The following BRICD5 variants were observed in gnomAD, a reference collection of about 807,000 sequenced individuals.
BRICD5 encodes the protein BRICHOS domain containing 5, also known as BRICHOS domain-containing protein 5.
BRICD5 carries 51 observed loss-of-function variants against 28.4 expected under a neutral mutation model. That is an observed-to-expected ratio of 1.80 (90% CI 1.43 to 2.27). The LOEUF (loss-of-function observed/expected upper bound fraction) is 2.27, where lower values mean the gene tolerates loss of function less well. Among genes scored for constraint, BRICD5 ranks in the 30% most tolerant of loss-of-function variants. BRICD5 has a pLI of 0.00. For missense variants in BRICD5, 456 were observed against 309.6 expected, an observed-to-expected ratio of 1.47 and a Z score of -3.55; for synonymous variants, 177 against 130.2, an observed-to-expected ratio of 1.36 and a Z score of -2.44.
chr16:2,210,742 C>T (rs746683461), intron 1 of BRICD5, 41 bp downstream of exon 1: 1 of 1,608,714 alleles, frequency 6.2e-7, no homozygotes, highest in South Asian at 1.1e-5. Flanking sequence ...GCCTGGGGCA[C>T]CCCCTGGGTC....
At position 2,210,064 on chromosome 16, in the gene BRICD5, G is replaced by C. The variant is rs552001107; in HGVS notation, c.337-13C>G. The C allele has an allele frequency of 2.1e-5, 33 of 1,601,656 alleles. No homozygotes were observed. The African/African-American group carries it at 2.7e-4, about 13-fold the overall frequency. On this transcript the variant is annotated splice_polypyrimidine_tract_variant and intron_variant, in intron 3 of 5. Transcript: ENST00000328540. ...AACAGATGCAGCCCTGGGGAGGCAGGGGGGTGAGGCGGGGCCCCCCAGACC... is the reference window on the plus strand; with the variant it reads ...AACAGATGCAGCCCTGGGGAGGCAGCGGGGTGAGGCGGGGCCCCCCAGACC...
chr16:2,210,150 C>G lies in BRICD5; in HGVS notation c.312G>C (p.Trp104Cys). 6.2e-7 allele frequency: 1 copy of G among 1,609,332 alleles called. No individual in the cohort carries two copies. Among genetic ancestry groups the G allele is most frequent in the Non-Finnish European group, 8.5e-7 (1 of 1,178,782 alleles). Reference protein sequence around the residue: ...TVTPPQSNHSWAVLFDGQSGC... With the variant: ...TVTPPQSNHSCAVLFDGQSGC... ...CGCTCTGCCCGTCGAACAGCACCGC[C>G]CAGCTGTGGTTGCTCTGAGGTGGGG... The change falls in exon 3 of 6, where the codon TGG becomes TGC. Residue 104 changes from tryptophan to cysteine, a missense_variant. Physicochemically the swap from Trp to Cys is radical, Grantham distance 215. Transcript: ENST00000328540.
chr16:2,210,498 C>T lies in BRICD5; in HGVS notation c.180+24G>A, dbSNP rs757641618. 1.1e-5 allele frequency: 17 copies of T among 1,589,368 alleles called. No homozygotes were observed. In the South Asian group the frequency reaches 1.6e-4, roughly 15 times the overall value. ...CCTTCTCCCTTTCCACTGTCCATGT[C>T]CCTGGTGCTGAGGAGGGGCTCACCT... On this transcript the variant is annotated intron_variant, in intron 2 of 5. Transcript: ENST00000328540.
chr16:2,209,934 CA>C lies in BRICD5; in HGVS notation c.438+15del, dbSNP rs748615758. On this transcript the variant is annotated intron_variant, in intron 4 of 5. Coordinates refer to ENST00000328540, the MANE Select transcript of BRICD5 (RefSeq NM_182563.4). ...CTAGCCCCTGGCCCGGGCCTGCGCC[CA>C]GCAGGACGGCTCACCTTGGAGGTAT... is the stretch of plus-strand genomic sequence containing the variant. The C allele has an allele frequency of 5.3e-6, 8 of 1,509,090 alleles. No individual in the cohort carries two copies. The East Asian group carries it at 1.8e-4, about 35-fold the overall frequency. The allele number at this position is 1,509,090 out of a possible 1,614,324, so 93.5% of individuals were successfully genotyped here. A position where few individuals can be genotyped will look rare whatever the true frequency, so the allele number is the denominator to read the frequency against.
intron 1 of BRICD5, 52 bp downstream of exon 1, chr16:2,210,731 G>C: frequency 6.2e-7 from 1 of 1,609,418 alleles, no homozygotes; most frequent in South Asian, 1.1e-5. Context: ...GGGGCTGGGT[G>C]GCCTGGGGCA....
At position 2,210,290 on chromosome 16, in the gene BRICD5, G is replaced by A; in HGVS notation, c.181-9C>T. ...AGCGTCTGCAGCCTTGGCTGGCAGT[G>A]GGAGTTGGAGTTCAGCCGGGCAGCT... On this transcript the variant is annotated splice_polypyrimidine_tract_variant and intron_variant, in intron 2 of 5. Transcript: ENST00000328540. 3 of 1,519,420 alleles carry A rather than the reference G, an allele frequency of 2.0e-6. No individual in the cohort carries two copies. Among genetic ancestry groups the A allele is most frequent in the East Asian group, 4.9e-5 (2 of 40,768 alleles). The allele number at this position is 1,519,420 out of a possible 1,614,324, so 94.1% of individuals were successfully genotyped here.
At position 2,210,239 on chromosome 16, in the gene BRICD5, T is replaced by C. The variant is rs113151710; in HGVS notation, c.223A>G (p.Met75Val). 76 of 1,559,654 alleles carry C rather than the reference T, an allele frequency of 4.9e-5. 2 individuals are homozygous for C. Among genetic ancestry groups the C allele is most frequent in the African/African-American group, 2.8e-4 (21 of 74,134 alleles). Residue 75 changes from methionine to valine, a missense_variant, in exon 3 of 6, where the codon ATG becomes GTG. Transcript: ENST00000328540. ...AGGATGGTTTGGTTGGGCCGGGGCA[T>C]GTGGGGGCTCGGGAGGGTCATTCGC... ...TLRMTLPSPH[M>V]PRPNQTILVD...
Position 2,210,194 on chromosome 16 carries a change from C to T in BRICD5, c.268G>A (p.Ala90Thr), listed in dbSNP as rs758328154. 1.9e-5 allele frequency: 30 copies of T among 1,598,246 alleles called. No homozygotes were observed. Among genetic ancestry groups the T allele is most frequent in the Admixed American group, 5.1e-5 (3 of 58,550 alleles). ...QTILVDVARN[A>T]ATITVTPPQS... ...GGTGGGGTCACTGTGATGGTCGCCG[C>T]GTTCCGGGCCACGTCCACCAGGATG... The change falls in exon 3 of 6, where the codon GCG becomes ACG. Residue 90 changes from alanine (A) to threonine (T), a missense_variant. Coordinates refer to ENST00000328540, the MANE Select transcript of BRICD5 (RefSeq NM_182563.4).
In BRICD5 at chr16:2,210,791, G is replaced by T. The variant is rs760998117; in HGVS notation, c.43C>A (p.Pro15Thr). The change falls in exon 1 of 6, where the codon CCT (proline) becomes ACT (threonine). Residue 15 changes from proline (P) to threonine (T), a missense_variant. Transcript: ENST00000328540. ...SCCAERPKPG[P>T]TGVKTKPSCG... ...TAACGGGAGGCACTCACCCCTGTAG[G>T]CCCAGGTTTGGGGCGCTCAGCACAG... 6.2e-7 allele frequency: 1 copy of T among 1,606,110 alleles called. No individual in the cohort carries two copies. Among genetic ancestry groups the T allele is most frequent in the Non-Finnish European group, 8.5e-7 (1 of 1,179,948 alleles).
chr16:2,209,463 C>G lies in BRICD5; in HGVS notation c.593-7G>C. 1 of 1,613,476 alleles carries G rather than the reference C, an allele frequency of 6.2e-7. No homozygotes were observed. The highest frequency in any genetic ancestry group is 8.5e-7 in the Non-Finnish European group (1 of 1,179,984). ...AGCCGCTGTCTCCGGGGCCCTGTGG[C>G]GAGGGTGCCGTGAATCTCCAAGGGC... On this transcript the variant is annotated splice_region_variant and splice_polypyrimidine_tract_variant and intron_variant, in intron 5 of 5. Coordinates refer to ENST00000328540, the MANE Select transcript of BRICD5 (RefSeq NM_182563.4).
At position 2,209,978 on chromosome 16, in the gene BRICD5, G is replaced by T. The variant is rs781555651; in HGVS notation, c.410C>A (p.Thr137Asn). The change falls in exon 4 of 6, where the codon ACC becomes AAC. Residue 137 changes from threonine (T) to asparagine (N), a missense_variant. By Grantham distance (65) the Thr-to-Asn change is moderately conservative. Coordinates refer to ENST00000328540, the MANE Select transcript of BRICD5 (RefSeq NM_182563.4). ...GGAGGTATCCACCAGCAGCCGCAGG[G>T]TCTCCCGATCACTGTCCTCCATCAG... is the stretch of plus-strand genomic sequence containing the variant. ...LRLMEDSDRE[T>N]LRLLVDTSKV... is the part of the protein sequence containing the mutation. 2 of 1,538,576 alleles carry T rather than the reference G, an allele frequency of 1.3e-6. No homozygotes were observed. Among genetic ancestry groups the T allele is most frequent in the South Asian group, 2.5e-5 (2 of 80,170 alleles).
rs760572498 is a variant in BRICD5, at chr16:2,210,179, CTG to C, written c.281_282del (p.Thr94SerfsTer26). 7 of 1,606,188 alleles carry C rather than the reference CTG, an allele frequency of 4.4e-6. No individual in the cohort carries two copies. Among genetic ancestry groups the C allele is most frequent in the South Asian group, 1.1e-5 (1 of 90,200 alleles). ...VDVARNAATI[T>X]VTPPQSNHSW... ...CTGTGGTTGCTCTGAGGTGGGGTCA[CTG>C]TGATGGTCGCCGCGTTCCGGGCCAC... On this transcript the variant is annotated frameshift_variant, in exon 3 of 6. Transcript: ENST00000328540. LOFTEE classifies it high-confidence loss of function.
chr16:2,209,796 TC>T (rs1567284915), intron 4 of BRICD5, 90 bp from the exon 5 acceptor site: 3 of 1,427,330 alleles, frequency 2.1e-6, no homozygotes, highest in Non-Finnish European at 2.8e-6. Context: ...CCCAGTGATG[TC>T]CCCACCCTCA....
intron 4 of BRICD5, 49 bp downstream of exon 4, chr16:2,209,901 C>G (rs2093365581): frequency 3.4e-6 from 5 of 1,460,384 alleles, no homozygotes; most frequent in African/African-American, 2.8e-5. Context: ...GCACACAGGA[C>G]CCTTTGTCTA....
rs757878009 is a variant in BRICD5, at chr16:2,210,803, G to T, written c.31C>A (p.Pro11Thr). MEPASCCAER[P>T]KPGPTGVKTK... ...CTCACCCCTGTAGGCCCAGGTTTGG[G>T]GCGCTCAGCACAGCAGCTTGCTGGT... Residue 11 changes from proline to threonine, a missense_variant, in exon 1 of 6, where the codon CCC becomes ACC. Pro to Thr is a conservative substitution (Grantham distance 38, BLOSUM62 -1). Transcript: ENST00000328540. 2 of 1,605,044 alleles carry T rather than the reference G, an allele frequency of 1.2e-6. No homozygotes were observed. The highest frequency in any genetic ancestry group is 1.7e-6 in the Non-Finnish European group (2 of 1,179,942).
In BRICD5 at chr16:2,209,358, G is replaced by A. The variant is rs745438857; in HGVS notation, c.*4C>T. On this transcript the variant is annotated 3_prime_UTR_variant, in exon 6 of 6. Transcript: ENST00000328540. ...GACGGGCCAGGCTGGGCCAGGTCGG[G>A]GGCTCAGTCTGGGAGGTAATAAAAG... The A allele has an allele frequency of 2.5e-6, 4 of 1,609,010 alleles. No individual in the cohort carries two copies. The highest frequency in any genetic ancestry group is 2.6e-6 in the Non-Finnish European group (3 of 1,176,238).
rs200895699 is a variant in BRICD5, at chr16:2,209,597, C to T, written c.548G>A (p.Arg183His). ...GTAGATGGGGGTCCTCATGCACAGGCGCTGCACCAAAGCCCCCGCCTGGGC... is the reference window on the plus strand; with the variant it reads ...GTAGATGGGGGTCCTCATGCACAGGTGCTGCACCAAAGCCCCCGCCTGGGC... ...DPAQAGALVQ[R>H]LCMRTPIYWA... is the part of the protein sequence containing the mutation. The change falls in exon 5 of 6, where the codon CGC (arginine) becomes CAC (histidine). Residue 183 changes from arginine (R) to histidine (H), a missense_variant. By Grantham distance (29) the Arg-to-His change is conservative. Coordinates refer to ENST00000328540, the MANE Select transcript of BRICD5 (RefSeq NM_182563.4). 7.5e-5 allele frequency: 121 copies of T among 1,612,408 alleles called. 1 individual carries two copies. The highest frequency in any genetic ancestry group is 8.8e-5 in the South Asian group (8 of 91,092).
In BRICD5 at chr16:2,209,955, A is replaced by G. The variant is rs2093366081; in HGVS notation, c.433T>C (p.Ser145Pro). ...RETLRLLVDT[S>P]KVQEAWVPSQ... ...CGCCCAGCAGGACGGCTCACCTTGG[A>G]GGTATCCACCAGCAGCCGCAGGGTC... Residue 145 changes from serine to proline, a missense_variant, in exon 4 of 6, where the codon TCC becomes CCC. Physicochemically the swap from Ser to Pro is moderately conservative, Grantham distance 74. Transcript: ENST00000328540. 3 of 1,528,126 alleles carry G rather than the reference A, an allele frequency of 2.0e-6. No individual in the cohort carries two copies. The Admixed American group carries it at 6.1e-5, about 31-fold the overall frequency. 94.7% of individuals were successfully genotyped at this position (1,528,126 alleles called of 1,614,324 possible). A position where few individuals can be genotyped will look rare whatever the true frequency, so the allele number is the denominator to read the frequency against.
rs761206518 is a variant in BRICD5, at chr16:2,209,641, C to A, written c.504G>T (p.Gly168=). The change falls in exon 5 of 6, where the codon GGG becomes GGT. Residue 168 remains glycine (G), a synonymous_variant. Transcript: ENST00000328540. The stretch of plus-strand genomic sequence containing the variant: ...CCTGGGCGGGGTCCACTTCGAGGCT[C>A]CCCTGCACTGCCAGCAGCTCCTGGG... ...HHTQELLAVQ[G]SLEVDPAQAG... is the part of the protein sequence containing the mutation. The A allele has an allele frequency of 1.1e-5, 18 of 1,613,192 alleles. No individual in the cohort carries two copies. In the Admixed American group the frequency reaches 2.8e-4, roughly 25 times the overall value.
Sources: gnomAD v4.1 joint callset for allele counts on GRCh38, gnomAD v4.1.1 for gene constraint, MANE v1.5 for transcripts, NCBI Gene and HGNC (gene_info 2026-07-23, HGNC 2026-07-21) for gene names.